ITPR2: variants seen among roughly 807,000 people sequenced by gnomAD.
The protein encoded by ITPR2 is inositol 1,4,5-trisphosphate receptor type 2, also known as inositol 1,4,5-trisphosphate-gated calcium channel ITPR2.
A neutral mutation model predicts 317.1 loss-of-function variants in ITPR2; 207 were observed. The observed-to-expected ratio is 0.65, with a 90% CI of 0.58 to 0.73. ITPR2 has a LOEUF of 0.73. Among genes scored for constraint, ITPR2 ranks in the 30% least tolerant of loss-of-function variants. ITPR2 has a pLI of 0.00. For missense variants in ITPR2, 2,613 were observed against 3,284.0 expected (o/e 0.80, Z 4.99); for synonymous variants, 1,156 against 1,149.1 (o/e 1.01, Z -0.12).
intron 34 of ITPR2, among the ~76,000 whole-genome samples, chr12:26,565,797 C>CTTTT (rs1944943491): frequency 6.8e-6 from 1 of 146,038 alleles, no homozygotes; most frequent in Admixed American, 7.1e-5. Context: ...CACAGCAAAA[C>CTTTT]CCTGTCTCTA....
At chr12:26,359,131 A>G (rs952418054) in intron 55 of ITPR2, among the ~76,000 whole-genome samples, 18 of 152,260 alleles carry the variant, frequency 1.2e-4, no homozygotes, top group African/African-American at 4.3e-4. Context: ...TCTAGAGCCT[A>G]GAACAGTGTC....
At chr12:26,588,031 C>T (rs1945581489) in intron 32 of ITPR2, among the ~76,000 whole-genome samples, 2 of 152,112 alleles carry the variant, frequency 1.3e-5, no homozygotes, top group Admixed American at 1.3e-4. Flanking sequence ...TGCCTGAATG[C>T]CTAGAGTGAG....
At position 26,561,937 on chromosome 12, in the gene ITPR2, A is replaced by C. The variant is rs371875203; in HGVS notation, c.4646T>G (p.Ile1549Ser). The change falls in exon 35 of 57, where the codon ATT becomes AGT. Residue 1549 changes from isoleucine to serine, a missense_variant. Ile to Ser is a moderately radical substitution (Grantham distance 142). Around this residue, in one of 9 missense-constraint regions of ITPR2, gnomAD observed 926 missense variants for 1,072.8 expected, o/e 0.86. Coordinates refer to ENST00000381340, the MANE Select transcript of ITPR2 (RefSeq NM_002223.4). ...GCTGTCCAAATCCACTGGAATGGCA[A>C]TTCCACGATTTTTTGCTGAAAAAGA... ...TLAEVAKNRG[I>S]AIPVDLDSQV... 2.0e-6 allele frequency: 3 copies of C among 1,514,864 alleles called. No homozygotes were observed. In the South Asian group the frequency reaches 4.1e-5, roughly 20 times the overall value. The allele number at this position is 1,514,864 out of a possible 1,614,324, so 93.8% of individuals were successfully genotyped here.
chr12:26,815,597 T>G (rs565175941), intron 1 of ITPR2, among the ~76,000 whole-genome samples: 1 of 152,286 alleles, frequency 6.6e-6, no homozygotes, highest in East Asian at 1.9e-4. Flanking sequence ...AGGTTATTAT[T>G]AATGTTGATG....
chr12:26,587,746 C>T (rs929798038), intron 32 of ITPR2, among the ~76,000 whole-genome samples: 4 of 152,206 alleles, frequency 2.6e-5, no homozygotes, highest in Non-Finnish European at 5.9e-5. Flanking sequence ...TCTCCTCCAT[C>T]TCCTCCACCT....
chr12:26,576,726 A>C (rs1945287623), intron 34 of ITPR2, among the ~76,000 whole-genome samples: 1 of 152,124 alleles, frequency 6.6e-6, no homozygotes, highest in African/African-American at 2.4e-5. Flanking sequence ...CAGGATAGAG[A>C]GGTAGAGGCC....
intron 55 of ITPR2, among the ~76,000 whole-genome samples, chr12:26,363,218 G>A (rs553417151): frequency 5.3e-5 from 8 of 152,324 alleles, no homozygotes; most frequent in African/African-American, 1.9e-4. Context: ...CTGTGCATTT[G>A]AGGGATCTAG....
rs531398193 is a variant in ITPR2 at position 26,444,949 on chromosome 12, G to C, written c.6343-1299C>G. On this transcript the variant is annotated intron_variant, in intron 45 of 56. Coordinates refer to ENST00000381340, the MANE Select transcript of ITPR2 (RefSeq NM_002223.4). ...TATTTACATTTTTTTAACTAAATTT[G>C]AATTATACACATTTTTATTACAAAC... 4.6e-5 allele frequency among the ~76,000 whole-genome samples: 7 copies of C among 152,150 alleles called. No homozygotes were observed. In the South Asian group the frequency reaches 1.5e-3, roughly 32 times the overall value.
intron 55 of ITPR2, among the ~76,000 whole-genome samples, chr12:26,378,054 T>C (rs2136611235): frequency 6.6e-6 from 1 of 152,240 alleles, no homozygotes; most frequent in African/African-American, 2.4e-5. Flanking sequence ...GAATTTATGC[T>C]GAGTGCCTAC....
intron 45 of ITPR2, among the ~76,000 whole-genome samples, chr12:26,463,526 G>T (rs937822596): frequency 6.6e-6 from 1 of 151,972 alleles, no homozygotes; most frequent in African/African-American, 2.4e-5. Flanking sequence ...TTAGCCGGTC[G>T]TGGTGGCATG....
intron 49 of ITPR2, among the ~76,000 whole-genome samples, chr12:26,422,945 A>G (rs1001004635): frequency 2.0e-5 from 3 of 152,208 alleles, no homozygotes; most frequent in African/African-American, 7.2e-5. Flanking sequence ...CAGGGGCATT[A>G]CATCTACAGC....
At position 26,509,213 on chromosome 12, in the gene ITPR2, G is replaced by A. The variant is rs1428487152; in HGVS notation, c.5074-13953C>T. Among the ~76,000 whole-genome samples, 8 of 152,168 alleles carry A rather than the reference G, an allele frequency of 5.3e-5. No homozygotes were observed. In the South Asian group the frequency reaches 1.7e-3, roughly 32 times the overall value. ...AAATTCATAGAGACAAAAAGAGACA[G>A]AAAATAGATAGCCAAGGGCTGGGGC... On this transcript the variant is annotated intron_variant, in intron 37 of 56. Transcript: ENST00000381340.
intron 13 of ITPR2, among the ~76,000 whole-genome samples, chr12:26,671,422 A>G (rs1270638098): frequency 6.6e-6 from 1 of 152,192 alleles, no homozygotes; most frequent in Non-Finnish European, 1.5e-5. Flanking sequence ...AGAATTTTCA[A>G]CCCAGAATTT....
intron 24 of ITPR2, 98 bp from the exon 25 acceptor site, chr12:26,622,503 G>T: frequency 1.1e-6 from 1 of 948,818 alleles, no homozygotes; most frequent in Non-Finnish European, 1.5e-6. Flanking sequence ...TATATCATTT[G>T]TTTTACCAAA....
intron 37 of ITPR2, among the ~76,000 whole-genome samples, chr12:26,546,938 G>A (rs1944405057): frequency 6.6e-6 from 1 of 151,976 alleles, no homozygotes. Context: ...AACTTGAAAC[G>A]ATAAAAATAC....
At position 26,656,303 on chromosome 12, in the gene ITPR2, A is replaced by T; in HGVS notation, c.2438T>A (p.Ile813Asn). 6.2e-7 allele frequency: 1 copy of T among 1,614,130 alleles called. No individual in the cohort carries two copies. The highest frequency in any genetic ancestry group is 8.5e-7 in the Non-Finnish European group (1 of 1,180,018). ...LWTEIPTKIT[I>N]HEYDSITDSS... ...GACCTTTTTCCAAACATACTCATGAATTGTGATCTTTGTGGGGATTTCTGT... is the reference window on the plus strand; with the variant it reads ...GACCTTTTTCCAAACATACTCATGATTTGTGATCTTTGTGGGGATTTCTGT... Residue 813 changes from isoleucine (I) to asparagine (N), a missense_variant, in exon 19 of 57, where the codon ATT becomes AAT. Around this residue, in one of 9 missense-constraint regions of ITPR2, gnomAD observed 817 missense variants for 897.6 expected, o/e 0.91. Transcript: ENST00000381340.
intron 9 of ITPR2, among the ~76,000 whole-genome samples, chr12:26,703,236 T>C (rs759012619): frequency 6.6e-6 from 1 of 152,192 alleles, no homozygotes; most frequent in East Asian, 1.9e-4. Flanking sequence ...AGACATTACA[T>C]AGAACCATTT....
chr12:26,355,392 C>T (rs1054468268), intron 55 of ITPR2, among the ~76,000 whole-genome samples: 3 of 134,274 alleles, frequency 2.2e-5, no homozygotes, highest in South Asian at 2.7e-4. Flanking sequence ...AAAACCTAGA[C>T]TATCATTTAT....
At position 26,784,301 on chromosome 12, in the gene ITPR2, C is replaced by G. The variant is rs891182715; in HGVS notation, c.163+5856G>C. On this transcript the variant is annotated intron_variant, in intron 2 of 56. Transcript: ENST00000381340. ...TCCCTCTCCCTCTCCCTCTCCCTCT[C>G]CCTCTCCCTCTCCCTCTGCCTCTCC... Among the ~76,000 whole-genome samples, 13 of 15,998 alleles carry G rather than the reference C, an allele frequency of 8.1e-4. 1 individual carries two copies. The highest frequency in any genetic ancestry group is 2.4e-3 in the Admixed American group (4 of 1,660). The allele number at this position is 15,998 out of a possible 152,430, so 10.5% of individuals were successfully genotyped here.
Sources: gnomAD v4.1 joint callset for allele counts (sites outside exome capture counted in the v4.1 genomes callset) on GRCh38, gnomAD v4.1.1 for gene constraint, gnomAD v4.1.1 regional missense constraint, MANE v1.5 for transcripts, NCBI Gene and HGNC (gene_info 2026-07-23, HGNC 2026-07-21) for gene names.